TAB1: variants seen among roughly 807,000 people sequenced by gnomAD.
TAB1 encodes TGF-beta activated kinase 1 (MAP3K7) binding protein 1.
TAB1 carries 30 observed loss-of-function variants against 54.5 expected under a neutral mutation model. The observed-to-expected ratio is 0.55, with a 90% CI of 0.41 to 0.75. The LOEUF (loss-of-function observed/expected upper bound fraction) is 0.75, where lower values mean the gene tolerates loss of function less well. TAB1 is among the 30% of genes least tolerant of loss of function. The pLI is 0.00. For synonymous variants in TAB1, 289 were observed against 286.9 expected (o/e 1.01, Z -0.07); for missense variants, 609 against 683.2 (o/e 0.89, Z 1.21).
intron 8 of TAB1, among the ~76,000 whole-genome samples, chr22:39,426,377 C>T (rs1287170553): frequency 6.6e-6 from 1 of 152,140 alleles, no homozygotes; most frequent in Non-Finnish European, 1.5e-5. Flanking sequence ...TGCTACTAGG[C>T]TTTTTAGTGG....
At chr22:39,433,827 C>T, downstream of TAB1, 2 of 985,388 alleles carry the variant, frequency 2.0e-6, no homozygotes, top group Non-Finnish European at 2.4e-6. Flanking sequence ...CTTCTTGTCC[C>T]TCAGGTCTTA....
chr22:39,410,750 T>G (rs1926573400), intron 1 of TAB1, among the ~76,000 whole-genome samples: 1 of 152,144 alleles, frequency 6.6e-6, no homozygotes, highest in Admixed American at 6.6e-5. Flanking sequence ...ATTAGAAGAC[T>G]CAACATAGTG....
Position 39,408,526 on chromosome 22 carries a change from T to C in TAB1, c.34-6480T>C, listed in dbSNP as rs541727380. ...TTTGTTTTTGTTTTTTGAGACGGAG[T>C]CTCGCTCTGTCATCCAGGCTGGAGT... is the stretch of plus-strand genomic sequence containing the variant. On this transcript the variant is annotated intron_variant, in intron 1 of 10. Transcript: ENST00000216160. 3.9e-5 allele frequency among the ~76,000 whole-genome samples: 6 copies of C among 152,310 alleles called. No individual in the cohort carries two copies. The South Asian group carries it at 1.2e-3, about 32-fold the overall frequency.
At chr22:39,405,900 T>G (rs1926341086) in intron 1 of TAB1, among the ~76,000 whole-genome samples, 1 of 152,146 alleles carries the variant, frequency 6.6e-6, no homozygotes. Context: ...CCGGCCACTG[T>G]AGTGAACCAG....
chr22:39,408,720 C>T (rs771930971), intron 1 of TAB1, among the ~76,000 whole-genome samples: 3 of 152,190 alleles, frequency 2.0e-5, no homozygotes, highest in Admixed American at 6.5e-5. Flanking sequence ...CCAGGCTGGT[C>T]TTGAACTCCT....
At chr22:39,416,728 C>T in intron 3 of TAB1, 63 bp from the exon 4 acceptor site, 1 of 1,472,338 alleles carries the variant, frequency 6.8e-7, no homozygotes, top group East Asian at 2.3e-5. Flanking sequence ...TAATAGAGGA[C>T]ATTTTGGCAC....
rs569548466 is a variant in TAB1 at position 39,427,125 on chromosome 22, T to C, written c.1144+200T>C. 3.3e-5 allele frequency among the ~76,000 whole-genome samples: 5 copies of C among 152,350 alleles called. No individual in the cohort carries two copies. In the South Asian group the frequency reaches 1.0e-3, roughly 32 times the overall value. ...TCTTTTGTCTGTAAAATGAGGTTAATACCACCTGCCCCGGCAACCTCCCAG... is the reference window on the plus strand; with the variant it reads ...TCTTTTGTCTGTAAAATGAGGTTAACACCACCTGCCCCGGCAACCTCCCAG... On this transcript the variant is annotated intron_variant, in intron 9 of 10. Transcript: ENST00000216160.
At chr22:39,426,574 G>A (rs1174294268) in intron 8 of TAB1, 129 bp from the exon 9 acceptor site, 5 of 769,970 alleles carry the variant, frequency 6.5e-6, no homozygotes, top group Non-Finnish European at 1.0e-5. Flanking sequence ...AAACTTGGCT[G>A]GCAGGCATTT....
intron 8 of TAB1, 56 bp from the exon 9 acceptor site, chr22:39,426,647 A>G (rs576150114): frequency 8.8e-6 from 13 of 1,478,792 alleles, no homozygotes; most frequent in Admixed American, 7.7e-5. Context: ...ATTATGGCCC[A>G]TGCCCCCCAG....
At chr22:39,425,836 A>G (rs909719085) in intron 8 of TAB1, among the ~76,000 whole-genome samples, 2 of 148,758 alleles carry the variant, frequency 1.3e-5, no homozygotes, top group Non-Finnish European at 3.0e-5. Flanking sequence ...GTGAGCCACC[A>G]CGCCCGGCCA....
Position 39,416,892 on chromosome 22 carries a change from C to A in TAB1, c.411+15C>A. 1 of 1,613,682 alleles carries A rather than the reference C, an allele frequency of 6.2e-7. No homozygotes were observed. The highest frequency in any genetic ancestry group is 8.5e-7 in the Non-Finnish European group (1 of 1,179,628). On this transcript the variant is annotated intron_variant, in intron 4 of 10. Transcript: ENST00000216160. ...AATTGCCAGAGGTAATTTCCCCAGCCGACACCCAGGGGAGTCAAGTCCAGG... is the reference window on the plus strand; with the variant it reads ...AATTGCCAGAGGTAATTTCCCCAGCAGACACCCAGGGGAGTCAAGTCCAGG...
At chr22:39,428,932 G>A (rs1010381047) in intron 10 of TAB1, among the ~76,000 whole-genome samples, 2 of 152,242 alleles carry the variant, frequency 1.3e-5, no homozygotes, top group African/African-American at 2.4e-5. Context: ...GCTGCCACGG[G>A]GCTAGAAAGG....
chr22:39,410,148 T>C (rs6001582), intron 1 of TAB1, among the ~76,000 whole-genome samples: 50,885 of 152,016 alleles, frequency 0.33, 9,146 homozygotes, highest in African/African-American at 0.45. Flanking sequence ...CACTCTGTCA[T>C]CCAGGCTGGA....
intron 8 of TAB1, 72 bp downstream of exon 8, chr22:39,422,043 T>A: frequency 7.6e-7 from 1 of 1,316,288 alleles, no homozygotes; most frequent in Non-Finnish European, 1.0e-6. Flanking sequence ...TCACCCTGCC[T>A]TCTAGCACTG....
chr22:39,420,775 C>CTGTGTGTGTGTGTGTG (rs71326771), intron 7 of TAB1, among the ~76,000 whole-genome samples: 11 of 71,812 alleles, frequency 1.5e-4, no homozygotes, highest in East Asian at 5.6e-4. Flanking sequence ...CACGGTGTCT[C>CTGTGTGTGTGTGTGTG]TGTGTGTGTG....
At chr22:39,420,892 G>C (rs1255330751) in intron 7 of TAB1, among the ~76,000 whole-genome samples, 1 of 139,096 alleles carries the variant, frequency 7.2e-6, no homozygotes, top group African/African-American at 2.9e-5. Flanking sequence ...CTGTGTGTGT[G>C]TGTGTGTGTG....
chr22:39,407,459 G>C (rs985795765), intron 1 of TAB1, among the ~76,000 whole-genome samples: 53 of 151,710 alleles, frequency 3.5e-4, no homozygotes, highest in African/African-American at 1.1e-3. Context: ...GGGCAGCCTT[G>C]CTATGGCCCT....
At position 39,416,894 on chromosome 22, in the gene TAB1, A is replaced by G. The variant is rs1366263143; in HGVS notation, c.411+17A>G. The G allele has an allele frequency of 6.2e-7, 1 of 1,613,498 alleles. No individual in the cohort carries two copies. Among genetic ancestry groups the G allele is most frequent in the South Asian group, 1.1e-5 (1 of 91,064 alleles). ...TTGCCAGAGGTAATTTCCCCAGCCG[A>G]CACCCAGGGGAGTCAAGTCCAGGCC... On this transcript the variant is annotated intron_variant, in intron 4 of 10. Transcript: ENST00000216160.
chr22:39,430,317 G>T lies in TAB1; in HGVS notation c.*95G>T. 1.9e-6 allele frequency: 3 copies of T among 1,565,522 alleles called. No homozygotes were observed. The highest frequency in any genetic ancestry group is 2.6e-6 in the Non-Finnish European group (3 of 1,160,778). ...TCTGCCTGTGCCACAACGGCCAGCA[G>T]GTGCCCCATCCTCTGCCCACAGCAG... On this transcript the variant is annotated 3_prime_UTR_variant, in exon 11 of 11. Transcript: ENST00000216160.
Sources: allele counts gnomAD v4.1 joint callset (sites outside exome capture counted in the v4.1 genomes callset), GRCh38; gene constraint gnomAD v4.1.1; transcripts MANE v1.5; gene names NCBI Gene and HGNC (gene_info 2026-07-23, HGNC 2026-07-21).